PLPP1: variants seen among roughly 807,000 people sequenced by gnomAD.
PLPP1 encodes the protein lipid phosphate phosphohydrolase 1a.
PLPP1 carries 24 observed loss-of-function variants against 31.2 expected under a neutral mutation model. That is an observed-to-expected ratio of 0.77 (90% CI 0.56 to 1.08). The LOEUF (loss-of-function observed/expected upper bound fraction) is 1.08. Among genes scored for constraint, PLPP1 ranks in the 50% least tolerant of loss-of-function variants. The probability of loss-of-function intolerance (pLI) is 0.00; values close to 1 mark genes in which losing one functional copy is unlikely to be tolerated. For synonymous variants in PLPP1, 146 were observed against 126.3 expected, an observed-to-expected ratio of 1.16 and a Z score of -1.05; for missense variants, 319 against 342.7, an observed-to-expected ratio of 0.93 and a Z score of 0.55.
chr5:55,468,730 G>C (rs749355664), intron 2 of PLPP1, among the ~76,000 whole-genome samples: 3 of 152,118 alleles, frequency 2.0e-5, no homozygotes, highest in Non-Finnish European at 4.4e-5. Flanking sequence ...TTGAACCTGG[G>C]AGGCAGAGGT....
At chr5:55,485,281 T>G (rs1752752335) in intron 1 of PLPP1, among the ~76,000 whole-genome samples, 1 of 152,134 alleles carries the variant, frequency 6.6e-6, no homozygotes, top group Non-Finnish European at 1.5e-5. Context: ...AGAATTGAAT[T>G]ACAGCATGCT....
At chr5:55,458,887 CAAAAAAA>C (rs529067608) in intron 3 of PLPP1, among the ~76,000 whole-genome samples, 322 of 21,072 alleles carry the variant, frequency 0.015, no homozygotes, top group African/African-American at 0.034. Context: ...ACCCTGTCTC[CAAAAAAA>C]AAAAAAAAAA....
intron 1 of PLPP1, among the ~76,000 whole-genome samples, chr5:55,511,024 T>C (rs1286558761): frequency 6.6e-6 from 1 of 152,240 alleles, no homozygotes; most frequent in Non-Finnish European, 1.5e-5. Flanking sequence ...ATGGACCTTA[T>C]ACATATATAA....
At chr5:55,428,538 G>T (rs368913503) in intron 4 of PLPP1, among the ~76,000 whole-genome samples, 3 of 152,208 alleles carry the variant, frequency 2.0e-5, no homozygotes, top group Non-Finnish European at 4.4e-5. Context: ...CTAAAAAGTA[G>T]TGTCTTTCTG....
intron 4 of PLPP1, among the ~76,000 whole-genome samples, chr5:55,427,848 C>T (rs574640384): frequency 2.0e-5 from 3 of 151,986 alleles, no homozygotes; most frequent in South Asian, 2.1e-4. Context: ...TGCAGTGGTG[C>T]GATCTCGGCT....
chr5:55,481,628 C>T (rs1345623590), intron 1 of PLPP1, among the ~76,000 whole-genome samples: 4 of 152,078 alleles, frequency 2.6e-5, no homozygotes, highest in African/African-American at 4.8e-5. Context: ...AAAAGACCCA[C>T]GGAATAGAAA....
intron 1 of PLPP1, chr5:55,484,301 A>G (rs1752731492): frequency 1.3e-5 from 2 of 152,074 alleles, no homozygotes; most frequent in African/African-American, 4.8e-5. Context: ...CCCCTCACCC[A>G]TAAATCCACC....
chr5:55,465,336 C>T (rs1009966662), intron 3 of PLPP1, among the ~76,000 whole-genome samples: 10 of 152,114 alleles, frequency 6.6e-5, no homozygotes, highest in South Asian at 2.1e-4. Context: ...TGAGCCACCA[C>T]GCCAGCCGTA....
intron 1 of PLPP1, among the ~76,000 whole-genome samples, chr5:55,501,399 A>T (rs1753142274): frequency 6.6e-6 from 1 of 152,254 alleles, no homozygotes; most frequent in Non-Finnish European, 1.5e-5. Flanking sequence ...ATAGGTTCTC[A>T]GAGAAGTAGC....
Position 55,435,440 on chromosome 5 carries a change from A to C in PLPP1, c.549+6411T>G, listed in dbSNP as rs1332856067. On this transcript the variant is annotated intron_variant, in intron 4 of 5. Transcript: ENST00000307259. ...TAACAGGGAGAATGGATGCGGAAGA[A>C]TCTCCAGTCAGCTGCCCATACCAAA... 2.0e-5 allele frequency among the ~76,000 whole-genome samples: 3 copies of C among 152,190 alleles called. No homozygotes were observed. The East Asian group carries it at 5.8e-4, about 29-fold the overall frequency.
intron 1 of PLPP1, among the ~76,000 whole-genome samples, chr5:55,509,723 A>C (rs1410695120): frequency 6.6e-6 from 1 of 152,140 alleles, no homozygotes; most frequent in African/African-American, 2.4e-5. Flanking sequence ...TTCACTATGG[A>C]CTCTCACATT....
chr5:55,495,457 G>A (rs1423876294), intron 1 of PLPP1, among the ~76,000 whole-genome samples: 1 of 152,146 alleles, frequency 6.6e-6, no homozygotes, highest in African/African-American at 2.4e-5. Flanking sequence ...GAACAATAGA[G>A]AAGTAGGACA....
chr5:55,491,553 T>A (rs2111853701), intron 1 of PLPP1, among the ~76,000 whole-genome samples: 1 of 152,168 alleles, frequency 6.6e-6, no homozygotes, highest in East Asian at 1.9e-4. Flanking sequence ...AACAACCAAA[T>A]GTCATCCAGG....
intron 3 of PLPP1, among the ~76,000 whole-genome samples, chr5:55,443,192 AATATAT>A (rs1159178740): frequency 2.2e-3 from 57 of 25,452 alleles, no homozygotes; most frequent in Admixed American, 8.6e-3. Flanking sequence ...AAAAAAAAAA[AATATAT>A]ATATATATAT....
intron 1 of PLPP1, among the ~76,000 whole-genome samples, chr5:55,494,254 G>T (rs1356256909): frequency 6.6e-6 from 1 of 152,090 alleles, no homozygotes; most frequent in Non-Finnish European, 1.5e-5. Context: ...TACTAATTAG[G>T]TGATAAGTAG....
chr5:55,500,002 T>C (rs1359648338), intron 1 of PLPP1, among the ~76,000 whole-genome samples: 1 of 151,366 alleles, frequency 6.6e-6, no homozygotes, highest in Non-Finnish European at 1.5e-5. Context: ...AAAAATATAA[T>C]CAATGAGTAT....
chr5:55,466,003 T>A (rs1752285343), intron 3 of PLPP1, among the ~76,000 whole-genome samples: 1 of 152,234 alleles, frequency 6.6e-6, no homozygotes, highest in Non-Finnish European at 1.5e-5. Flanking sequence ...GGTGTTTTCA[T>A]CATTCCTCAA....
At chr5:55,530,808 G>C in intron 1 of PLPP1, 1 of 1,418,540 alleles carries the variant, frequency 7.0e-7, no homozygotes, top group Non-Finnish European at 9.9e-7. Flanking sequence ...CGGTCCGCAC[G>C]GGCGTTTTGA....
chr5:55,440,653 G>T (rs1247901163), intron 4 of PLPP1, among the ~76,000 whole-genome samples: 1 of 152,164 alleles, frequency 6.6e-6, no homozygotes, highest in Non-Finnish European at 1.5e-5. Flanking sequence ...ATTAGCTGTT[G>T]TAATGGCTTG....
Sources: gnomAD v4.1 joint callset for allele counts (sites outside exome capture counted in the v4.1 genomes callset) on GRCh38, gnomAD v4.1.1 for gene constraint, MANE v1.5 for transcripts, NCBI Gene and HGNC (gene_info 2026-07-23, HGNC 2026-07-21) for gene names.